CNTNAP2: variants seen among roughly 807,000 people sequenced by gnomAD.
CNTNAP2 encodes contactin associated protein 2, also known as contactin-associated protein-like 2.
In CNTNAP2, 98 loss-of-function variants were observed where a neutral mutation model predicts 155.2. The ratio of observed to expected loss-of-function variants is 0.63; its 90% CI spans 0.54 to 0.75. The LOEUF (loss-of-function observed/expected upper bound fraction) is 0.75. Ranked by LOEUF, CNTNAP2 falls within the 30% of genes least tolerant of loss-of-function variation. The pLI, the probability that CNTNAP2 is intolerant of heterozygous loss-of-function variation, is 0.00. For missense variants in CNTNAP2, 1,727 were observed against 1,688.1 expected, an observed-to-expected ratio of 1.02 and a Z score of -0.40; for synonymous variants, 651 against 631.2, an observed-to-expected ratio of 1.03 and a Z score of -0.47.
chr7:146,666,815 A>G (rs1027200414), intron 1 of CNTNAP2, among the ~76,000 whole-genome samples: 1 of 151,946 alleles, frequency 6.6e-6, no homozygotes, highest in Non-Finnish European at 1.5e-5. Flanking sequence ...AGTTCAGATC[A>G]TTTGCCCATT....
At chr7:147,283,362 A>G (rs73742513) in intron 8 of CNTNAP2, among the ~76,000 whole-genome samples, 40,806 of 151,714 alleles carry the variant, frequency 0.27, 5,719 homozygotes, top group Middle Eastern at 0.34. Flanking sequence ...ACTAGTGTCT[A>G]TATCAAGAAA....
At chr7:147,200,829 C>T (rs890317814) in intron 8 of CNTNAP2, among the ~76,000 whole-genome samples, 19 of 152,108 alleles carry the variant, frequency 1.2e-4, no homozygotes, top group South Asian at 4.1e-4. Context: ...TGTAATCTTA[C>T]ATTTGTATGG....
chr7:148,403,021 G>T, intron 22 of CNTNAP2, among the ~76,000 whole-genome samples: 1 of 140,714 alleles, frequency 7.1e-6, no homozygotes, highest in Admixed American at 7.0e-5. Flanking sequence ...TTTATCTTCT[G>T]TAGTTAAAAA....
intron 15 of CNTNAP2, among the ~76,000 whole-genome samples, chr7:148,097,330 G>A (rs1262076153): frequency 4.6e-5 from 5 of 109,826 alleles, no homozygotes; most frequent in Non-Finnish European, 6.8e-5. Context: ...AATTCAGCTC[G>A]TGTCATTTGT....
rs138942246 is a variant in CNTNAP2, at chr7:147,707,280, A to T, written c.2098+67974A>T. Among the ~76,000 whole-genome samples the T allele has an allele frequency of 6.0e-3, 916 of 152,148 alleles. 12 individuals are homozygous for T. The highest frequency in any genetic ancestry group is 0.02 in the African/African-American group (814 of 41,508). On this transcript the variant is annotated intron_variant, in intron 13 of 23. Coordinates refer to ENST00000361727, the MANE Select transcript of CNTNAP2 (RefSeq NM_014141.6). The stretch of plus-strand genomic sequence containing the variant: ...TTTGAATTTGCTTTCCTAAGGAAGG[A>T]CTCTGTTAAAGATGAATCTGTGGTT...
intron 8 of CNTNAP2, among the ~76,000 whole-genome samples, chr7:147,137,727 G>T (rs1801512700): frequency 6.6e-6 from 1 of 151,832 alleles, no homozygotes; most frequent in African/African-American, 2.4e-5. Flanking sequence ...TTTGGAGGTT[G>T]TGTCTATAAT....
chr7:147,679,221 G>GA (rs1161910587), intron 13 of CNTNAP2, among the ~76,000 whole-genome samples: 2 of 151,790 alleles, frequency 1.3e-5, no homozygotes, highest in African/African-American at 4.8e-5. Context: ...AAAGCTCTCT[G>GA]AAAAAACATA....
At chr7:146,687,012 T>A (rs1265771623) in intron 1 of CNTNAP2, among the ~76,000 whole-genome samples, 1 of 152,190 alleles carries the variant, frequency 6.6e-6, no homozygotes, top group Non-Finnish European at 1.5e-5. Flanking sequence ...TTAGTTTATA[T>A]GCCTAACTAG....
At chr7:147,407,420 A>G (rs967573127) in intron 10 of CNTNAP2, among the ~76,000 whole-genome samples, 23 of 138,216 alleles carry the variant, frequency 1.7e-4, no homozygotes, top group African/African-American at 5.8e-4. Flanking sequence ...GTGAGCCGAG[A>G]TCATGCCACT....
At chr7:147,949,458 A>ATAT (rs1433579404) in intron 14 of CNTNAP2, among the ~76,000 whole-genome samples, 5 of 137,404 alleles carry the variant, frequency 3.6e-5, no homozygotes, top group East Asian at 4.2e-4. Flanking sequence ...ATATATATAT[A>ATAT]TTTTTTTTTT....
chr7:147,354,373 C>T (rs1292677226), intron 9 of CNTNAP2, among the ~76,000 whole-genome samples: 1 of 152,264 alleles, frequency 6.6e-6, no homozygotes, highest in African/African-American at 2.4e-5. Flanking sequence ...GTTTTCCCAA[C>T]ACTATTTATT....
chr7:148,203,388 A>G lies in CNTNAP2; in HGVS notation c.3011-13900A>G, dbSNP rs113537341. ...TCTCCAGCATCTGCACATGTAAACT[A>G]CCAATTCCAGTTTAGTATGACAAAC... On this transcript the variant is annotated intron_variant, in intron 18 of 23. Transcript: ENST00000361727. 9.4e-3 allele frequency among the ~76,000 whole-genome samples: 1,431 copies of G among 152,330 alleles called. 7 individuals carry two copies. Among genetic ancestry groups the G allele is most frequent in the Middle Eastern group, 0.014 (4 of 294 alleles).
At chr7:146,499,570 C>CT (rs1009646824) in intron 1 of CNTNAP2, among the ~76,000 whole-genome samples, 5 of 152,014 alleles carry the variant, frequency 3.3e-5, no homozygotes, top group East Asian at 3.9e-4. Context: ...GGATTAGCTT[C>CT]TTTTTTTTAT....
chr7:147,060,417 A>T (rs1428867560), intron 4 of CNTNAP2, among the ~76,000 whole-genome samples: 2 of 152,194 alleles, frequency 1.3e-5, no homozygotes, highest in East Asian at 3.8e-4. Flanking sequence ...TCTTTCACTT[A>T]GCAGTTTGAT....
chr7:146,289,945 GTTA>G (rs1265070703), intron 1 of CNTNAP2, among the ~76,000 whole-genome samples: 2 of 152,060 alleles, frequency 1.3e-5, no homozygotes, highest in Non-Finnish European at 2.9e-5. Flanking sequence ...CTTATGCTTG[GTTA>G]TTATTATTTT....
At chr7:146,955,932 T>G (rs1048456833) in intron 3 of CNTNAP2, among the ~76,000 whole-genome samples, 8 of 152,076 alleles carry the variant, frequency 5.3e-5, no homozygotes, top group Non-Finnish European at 1.0e-4. Context: ...GGTTGATAAT[T>G]CGCATCTTGT....
chr7:146,328,944 G>A lies in CNTNAP2; in HGVS notation c.97+211971G>A, dbSNP rs567337383. 3.9e-5 allele frequency among the ~76,000 whole-genome samples: 6 copies of A among 152,306 alleles called. No homozygotes were observed. The East Asian group carries it at 5.8e-4, about 15-fold the overall frequency. ...TACCAATTTATCTGCTGAAGGACAC[G>A]TAGGTTGTTTATGTATTTGGCTATC... On this transcript the variant is annotated intron_variant, in intron 1 of 23. Coordinates refer to ENST00000361727, the MANE Select transcript of CNTNAP2 (RefSeq NM_014141.6).
At chr7:146,192,066 A>G (rs1441882036) in intron 1 of CNTNAP2, among the ~76,000 whole-genome samples, 2 of 152,292 alleles carry the variant, frequency 1.3e-5, no homozygotes, top group East Asian at 3.9e-4. Context: ...TTGCAGAAAG[A>G]CAGGTGTAAG....
At chr7:147,815,301 T>C (rs1279982640) in intron 13 of CNTNAP2, among the ~76,000 whole-genome samples, 1 of 152,072 alleles carries the variant, frequency 6.6e-6, no homozygotes, top group African/African-American at 2.4e-5. Flanking sequence ...AGGAAGATGA[T>C]GTCAAGATGA....
Sources: allele counts gnomAD v4.1 joint callset (sites outside exome capture counted in the v4.1 genomes callset), GRCh38; gene constraint gnomAD v4.1.1; transcripts MANE v1.5; gene names NCBI Gene and HGNC (gene_info 2026-07-23, HGNC 2026-07-21).